Variants in MYOF observed in about 807,000 individuals in gnomAD.
MYOF encodes the protein fer-1-like 3, myoferlin.
MYOF carries 244 observed loss-of-function variants against 284.2 expected under a neutral mutation model. That is an observed-to-expected ratio of 0.86 (90% CI 0.77 to 0.95). MYOF has a LOEUF of 0.95. MYOF is among the 40% of genes least tolerant of loss of function. The probability of loss-of-function intolerance (pLI) is 0.00; values close to 1 mark genes in which losing one functional copy is unlikely to be tolerated. For missense variants in MYOF, 2,496 were observed against 2,560.6 expected (o/e 0.97, Z 0.54); for synonymous variants, 904 against 919.7 (o/e 0.98, Z 0.31).
chr10:93,430,398 A>G (rs188227447), intron 4 of MYOF, among the ~76,000 whole-genome samples: 182 of 151,756 alleles, frequency 1.2e-3, no homozygotes, highest in African/African-American at 4.1e-3. Flanking sequence ...CCTAACCAAT[A>G]TGGTGAAACT....
chr10:93,416,285 G>A lies in MYOF; in HGVS notation c.434-6546C>T, dbSNP rs1193616551. 5.3e-5 allele frequency among the ~76,000 whole-genome samples: 8 copies of A among 152,192 alleles called. No homozygotes were observed. The East Asian group carries it at 1.5e-3, about 29-fold the overall frequency. ...TGTAATCCCCACTTTGGGAGGCCAAGGCGGGTGGATCACCTGAGGTCAGGA... is the reference window on the plus strand; with the variant it reads ...TGTAATCCCCACTTTGGGAGGCCAAAGCGGGTGGATCACCTGAGGTCAGGA... On this transcript the variant is annotated intron_variant, in intron 5 of 53. Coordinates refer to ENST00000359263, the MANE Select transcript of MYOF (RefSeq NM_013451.4).
At chr10:93,368,397 C>T (rs75188854) in intron 25 of MYOF, among the ~76,000 whole-genome samples, 7,445 of 152,258 alleles carry the variant, frequency 0.049, 274 homozygotes, top group Middle Eastern at 0.088. Context: ...AATCAGAATC[C>T]CCAGGGTGCC....
intron 48 of MYOF, among the ~76,000 whole-genome samples, chr10:93,321,244 A>C (rs1415068568): frequency 6.6e-6 from 1 of 152,140 alleles, no homozygotes; most frequent in African/African-American, 2.4e-5. Flanking sequence ...CGAAGTCCAC[A>C]TCTGTTACTC....
intron 5 of MYOF, among the ~76,000 whole-genome samples, chr10:93,421,419 A>G (rs1030466383): frequency 6.6e-6 from 1 of 152,164 alleles, no homozygotes; most frequent in African/African-American, 2.4e-5. Context: ...AGGGGGTTGC[A>G]GTAGGTGCTC....
Position 93,452,152 on chromosome 10 carries a change from A to G in MYOF, c.145-11T>C, listed in dbSNP as rs199893484. The G allele has an allele frequency of 6.9e-6, 11 of 1,584,500 alleles. No homozygotes were observed. Among genetic ancestry groups the G allele is most frequent in the Non-Finnish European group, 8.6e-6 (10 of 1,163,528 alleles). On this transcript the variant is annotated splice_polypyrimidine_tract_variant and intron_variant, in intron 2 of 53. Coordinates refer to ENST00000359263, the MANE Select transcript of MYOF (RefSeq NM_013451.4). The stretch of plus-strand genomic sequence containing the variant: ...GTCAAACTCCAAAATCTGTTCACAG[A>G]AAGGTTTTGAAAAAAGAGAAAAAAA...
At chr10:93,423,450 C>T (rs1848438707) in intron 5 of MYOF, among the ~76,000 whole-genome samples, 1 of 145,916 alleles carries the variant, frequency 6.9e-6, no homozygotes, top group Non-Finnish European at 1.5e-5. Context: ...TTGTTTGAAC[C>T]TAGGGGCAGA....
intron 19 of MYOF, among the ~76,000 whole-genome samples, chr10:93,384,520 T>C (rs1846270547): frequency 6.6e-6 from 1 of 151,966 alleles, no homozygotes; most frequent in Non-Finnish European, 1.5e-5. Flanking sequence ...GAGAGGTGCC[T>C]GTAATCCCAG....
chr10:93,469,276 C>A (rs1415776342), intron 1 of MYOF, among the ~76,000 whole-genome samples: 4 of 152,130 alleles, frequency 2.6e-5, no homozygotes, highest in African/African-American at 9.7e-5. Context: ...TGGTGCACTC[C>A]TGTAGTCCCA....
intron 5 of MYOF, among the ~76,000 whole-genome samples, chr10:93,425,395 GA>G (rs1444918145): frequency 1.3e-5 from 2 of 152,118 alleles, no homozygotes; most frequent in African/African-American, 4.8e-5. Flanking sequence ...AAAACACTGA[GA>G]GGGGGTCCGA....
In MYOF at chr10:93,359,791, G is replaced by A. The variant is rs3740376; in HGVS notation, c.3120+42C>T. Reference sequence around the variant, plus strand: ...TAGCTGGGACTTTGTAGTCAGGAGGGCAGAGCTCCCCAGTCCAGCTCCCTT... The same window carrying A: ...TAGCTGGGACTTTGTAGTCAGGAGGACAGAGCTCCCCAGTCCAGCTCCCTT... On this transcript the variant is annotated intron_variant, in intron 29 of 53. Transcript: ENST00000359263. 238 of 1,610,278 alleles carry A rather than the reference G, an allele frequency of 1.5e-4. No homozygotes were observed. The East Asian group carries it at 5.3e-3, about 36-fold the overall frequency.
Position 93,337,876 on chromosome 10 carries a change from G to A in MYOF, c.4376C>T (p.Ala1459Val), listed in dbSNP as rs1211723735. The part of the protein sequence containing the change: ...EIVDWWSKFY[A>V]SSGEHEKCGQ... ...GCATTTTTCATGTTCCCCTGAGGAA[G>A]CATAAAATTTACTCCACCAGTCCAC... is the stretch of plus-strand genomic sequence containing the variant. The change falls in exon 40 of 54, where the codon GCT becomes GTT. Residue 1459 changes from alanine (A) to valine (V), a missense_variant. Physicochemically the swap from Ala to Val is moderately conservative, Grantham distance 64 (BLOSUM62 0). Coordinates refer to ENST00000359263, the MANE Select transcript of MYOF (RefSeq NM_013451.4). 9.3e-6 allele frequency: 15 copies of A among 1,614,000 alleles called. No homozygotes were observed. Among genetic ancestry groups the A allele is most frequent in the Non-Finnish European group, 1.3e-5 (15 of 1,179,994 alleles).
At chr10:93,415,040 G>A (rs932638602) in intron 5 of MYOF, among the ~76,000 whole-genome samples, 1 of 152,006 alleles carries the variant, frequency 6.6e-6, no homozygotes, top group African/African-American at 2.4e-5. Flanking sequence ...CACCGCGCCT[G>A]GCTGAGAGGC....
intron 36 of MYOF, 58 bp downstream of exon 36, chr10:93,349,748 TGA>T (rs1444827857): frequency 4.5e-6 from 7 of 1,567,910 alleles, no homozygotes; most frequent in African/African-American, 1.4e-5. Flanking sequence ...TGTGTGTGTG[TGA>T]GGCACATACT....
rs567282523 is a variant in MYOF, at chr10:93,345,677, C to G, written c.4250-1745G>C. 2.4e-4 allele frequency among the ~76,000 whole-genome samples: 37 copies of G among 152,312 alleles called. 2 individuals are homozygous for G. The South Asian group carries it at 6.8e-3, about 28-fold the overall frequency. On this transcript the variant is annotated intron_variant, in intron 37 of 53. Transcript: ENST00000359263. ...AGTTCTTTCCTAGAGGATCAGTTCTCCACTTCACCCTCCTCATGGAAACAA... is the reference window on the plus strand; with the variant it reads ...AGTTCTTTCCTAGAGGATCAGTTCTGCACTTCACCCTCCTCATGGAAACAA...
intron 5 of MYOF, among the ~76,000 whole-genome samples, chr10:93,419,488 T>A (rs932299523): frequency 1.3e-5 from 2 of 152,066 alleles, no homozygotes; most frequent in African/African-American, 2.4e-5. Context: ...TAAAAAAAAA[T>A]TTTTAAACCA....
At chr10:93,465,165 C>T (rs1278904426) in intron 1 of MYOF, among the ~76,000 whole-genome samples, 3 of 152,130 alleles carry the variant, frequency 2.0e-5, no homozygotes, top group Non-Finnish European at 1.5e-5. Context: ...GGTTAAGCAA[C>T]TTATTAGAGG....
chr10:93,412,618 C>A (rs1847943776), intron 5 of MYOF, among the ~76,000 whole-genome samples: 1 of 152,176 alleles, frequency 6.6e-6, no homozygotes, highest in African/African-American at 2.4e-5. Flanking sequence ...GCTTGTCAAC[C>A]CATAGGCTTC....
At chr10:93,366,008 C>T (rs1845307445) in intron 26 of MYOF, among the ~76,000 whole-genome samples, 1 of 150,092 alleles carries the variant, frequency 6.7e-6, no homozygotes. Context: ...TTTATTCTAA[C>T]CCAGGAGTCA....
chr10:93,315,966 G>GGA (rs2133734646), intron 50 of MYOF, among the ~76,000 whole-genome samples: 1 of 141,662 alleles, frequency 7.1e-6, no homozygotes, highest in Admixed American at 7.1e-5. Flanking sequence ...ACTAAAAAGT[G>GGA]AAAAAAAAAA....
Sources: allele counts gnomAD v4.1 joint callset (sites outside exome capture counted in the v4.1 genomes callset), GRCh38; gene constraint gnomAD v4.1.1; transcripts MANE v1.5; gene names NCBI Gene and HGNC (gene_info 2026-07-23, HGNC 2026-07-21).